Variants in RTN4IP1 observed in about 807,000 individuals in gnomAD.
RTN4IP1 encodes NAD(P)H oxidoreductase RTN4IP1, mitochondrial.
Under a neutral mutation model 46.6 loss-of-function variants are expected in RTN4IP1, and 32 were observed. The ratio of observed to expected loss-of-function variants is 0.69; its 90% CI spans 0.52 to 0.92. The LOEUF (loss-of-function observed/expected upper bound fraction) is 0.92, where lower values mean the gene tolerates loss of function less well. RTN4IP1 is among the 40% of genes least tolerant of loss of function. The probability of loss-of-function intolerance (pLI) is 0.00; values close to 1 mark genes in which losing one functional copy is unlikely to be tolerated. For missense variants in RTN4IP1, 424 were observed against 485.8 expected, an observed-to-expected ratio of 0.87 and a Z score of 1.20; for synonymous variants, 167 against 161.8, an observed-to-expected ratio of 1.03 and a Z score of -0.24.
chr6:106,608,392 T>G (rs1477749901), intron 4 of RTN4IP1, among the ~76,000 whole-genome samples: 3 of 152,128 alleles, frequency 2.0e-5, no homozygotes, highest in Admixed American at 2.0e-4. Context: ...TACAGCTAGA[T>G]AGGAAGAATA....
intron 2 of RTN4IP1, 50 bp from the exon 3 acceptor site, chr6:106,621,543 G>T: frequency 6.5e-7 from 1 of 1,535,096 alleles, no homozygotes; most frequent in East Asian, 2.2e-5. Context: ...GATATTTTTT[G>T]ACCGAAGCTA....
At chr6:106,607,441 T>C (rs985940477) in intron 4 of RTN4IP1, among the ~76,000 whole-genome samples, 3 of 151,900 alleles carry the variant, frequency 2.0e-5, no homozygotes, top group African/African-American at 7.3e-5. Flanking sequence ...AGACAACCTG[T>C]AGAATGGGAG....
chr6:106,588,368 C>T (rs1775537569), intron 6 of RTN4IP1, among the ~76,000 whole-genome samples: 1 of 152,152 alleles, frequency 6.6e-6, no homozygotes, highest in Non-Finnish European at 1.5e-5. Flanking sequence ...AGATTTTCAC[C>T]TACAAGAATG....
intron 8 of RTN4IP1, among the ~76,000 whole-genome samples, chr6:106,582,739 A>G (rs774410681): frequency 2.6e-5 from 4 of 152,178 alleles, no homozygotes; most frequent in South Asian, 2.1e-4. Context: ...TTCAATCCCC[A>G]GAATCCCTGA....
chr6:106,613,379 T>C (rs903999803), intron 4 of RTN4IP1, among the ~76,000 whole-genome samples: 1 of 152,142 alleles, frequency 6.6e-6, no homozygotes, highest in Non-Finnish European at 1.5e-5. Context: ...CACAGGGTCA[T>C]GTGAGTAGTG....
intron 4 of RTN4IP1, among the ~76,000 whole-genome samples, chr6:106,610,476 G>C (rs924695868): frequency 1.3e-5 from 2 of 152,180 alleles, no homozygotes; most frequent in Non-Finnish European, 2.9e-5. Flanking sequence ...AATGCAAAGG[G>C]AAGCAACTGC....
intron 7 of RTN4IP1, 71 bp downstream of exon 7, chr6:106,587,608 G>A: frequency 7.1e-7 from 1 of 1,412,848 alleles, no homozygotes; most frequent in Non-Finnish European, 9.8e-7. Context: ...AAGAGAAACT[G>A]GCTAGGTGGG....
chr6:106,571,778 G>GA lies in RTN4IP1; in HGVS notation c.*217dup. 2.1e-6 allele frequency: 1 copy of GA among 470,628 alleles called. No homozygotes were observed. Among genetic ancestry groups the GA allele is most frequent in the Non-Finnish European group, 3.8e-6 (1 of 262,682 alleles). The allele number at this position is 470,628 out of a possible 1,614,324, so 29.2% of individuals were successfully genotyped here. Reference sequence around the variant, plus strand: ...CAAAGCCAGTGTGAAGGAACAGCTTGAAAAAACTTCGAATTTCTACTGACT... The same window carrying GA: ...CAAAGCCAGTGTGAAGGAACAGCTTGAAAAAAACTTCGAATTTCTACTGACT... On this transcript the variant is annotated 3_prime_UTR_variant, in exon 9 of 9. Transcript: ENST00000369063.
chr6:106,583,372 C>T lies in RTN4IP1; in HGVS notation c.1039G>A (p.Gly347Ser), dbSNP rs1342256780. ...HYRWAFFMAS[G>S]PCLDDIAELV... ...TCTGCAATGTCATCTAAACATGGGC[C>T]ACTGGCCATGAAAAATGCCCAGCGA... is the stretch of plus-strand genomic sequence containing the variant. The change falls in exon 8 of 9, where the codon GGC becomes AGC. Residue 347 changes from glycine (G) to serine (S), a missense_variant. Coordinates refer to ENST00000369063, the MANE Select transcript of RTN4IP1 (RefSeq NM_032730.5). 1 of 1,613,722 alleles carries T rather than the reference C, an allele frequency of 6.2e-7. No individual in the cohort carries two copies. The highest frequency in any genetic ancestry group is 8.5e-7 in the Non-Finnish European group (1 of 1,179,776).
intron 4 of RTN4IP1, among the ~76,000 whole-genome samples, chr6:106,612,373 C>A (rs1776245703): frequency 9.4e-6 from 1 of 106,772 alleles, no homozygotes; most frequent in Non-Finnish European, 1.7e-5. Context: ...GGCGACAGAG[C>A]AAGACTCCGT....
At position 106,572,361 on chromosome 6, in the gene RTN4IP1, A is replaced by G; in HGVS notation, c.1084-258T>C. On this transcript the variant is annotated intron_variant, in intron 8 of 8. Transcript: ENST00000369063. ...CTCCATGCTGGTCTTTCACTCTCCT[A>G]CTTAGAACCGTTCAACAGCTCCCAC... 9.2e-6 allele frequency: 4 copies of G among 435,774 alleles called. No individual in the cohort carries two copies. The South Asian group carries it at 1.4e-4, about 15-fold the overall frequency. 27.0% of individuals were successfully genotyped at this position (435,774 alleles called of 1,614,324 possible).
chr6:106,578,037 T>C (rs1361109219), intron 8 of RTN4IP1, among the ~76,000 whole-genome samples: 1 of 152,200 alleles, frequency 6.6e-6, no homozygotes, highest in Non-Finnish European at 1.5e-5. Context: ...TAAGCAAATA[T>C]GTATAAATAT....
Position 106,622,789 on chromosome 6 carries a change from C to T in RTN4IP1, c.426+29G>A, listed in dbSNP as rs113891339. Reference sequence around the variant, plus strand: ...GATCAGGGTCTGTGGGTTGGATCCCCGCAGGAATAGTGGCATTCCCTAACT... The same window carrying T: ...GATCAGGGTCTGTGGGTTGGATCCCTGCAGGAATAGTGGCATTCCCTAACT... On this transcript the variant is annotated intron_variant, in intron 2 of 8. Coordinates refer to ENST00000369063, the MANE Select transcript of RTN4IP1 (RefSeq NM_032730.5). 346 of 1,596,488 alleles carry T rather than the reference C, an allele frequency of 2.2e-4. 3 individuals carry two copies. In the South Asian group the frequency reaches 3.1e-3, roughly 14 times the overall value.
At position 106,620,208 on chromosome 6, in the gene RTN4IP1, G is replaced by A. The variant is rs1012974436; in HGVS notation, c.496-882C>T. ...CAACCTCCGCCTCCCAGGTTTAAGC[G>A]ATTCTCCTGCCTCAGCCTCCCAAGT... On this transcript the variant is annotated intron_variant, in intron 3 of 8. Transcript: ENST00000369063. Among the ~76,000 whole-genome samples the A allele has an allele frequency of 5.9e-5, 9 of 151,608 alleles. No homozygotes were observed. The South Asian group carries it at 1.3e-3, about 21-fold the overall frequency.
At position 106,629,413 on chromosome 6, in the gene RTN4IP1, A is replaced by G. The variant is rs1776751576; in HGVS notation, c.-392T>C. 2 of 579,696 alleles carry G rather than the reference A, an allele frequency of 3.5e-6. No homozygotes were observed. Among genetic ancestry groups the G allele is most frequent in the Non-Finnish European group, 6.1e-6 (2 of 328,200 alleles). 35.9% of individuals were successfully genotyped at this position (579,696 alleles called of 1,614,324 possible). A position where few individuals can be genotyped will look rare whatever the true frequency, so the allele number is the denominator to read the frequency against. On this transcript the variant is annotated 5_prime_UTR_variant, in exon 1 of 9. Coordinates refer to ENST00000369063, the MANE Select transcript of RTN4IP1 (RefSeq NM_032730.5). Reference sequence around the variant, plus strand: ...CACCGCTCGCGATCCAACGCCAGAGAATCGAACGCTTGCCGACTGCCGCCG... The same window carrying G: ...CACCGCTCGCGATCCAACGCCAGAGGATCGAACGCTTGCCGACTGCCGCCG...
intron 5 of RTN4IP1, among the ~76,000 whole-genome samples, chr6:106,596,296 T>C (rs1314499951): frequency 1.3e-5 from 2 of 152,202 alleles, no homozygotes; most frequent in African/African-American, 2.4e-5. Context: ...GAGTTCATAT[T>C]GATACTTCCA....
chr6:106,629,313 G>A lies in RTN4IP1; in HGVS notation c.-292C>T, dbSNP rs901153554. The A allele has an allele frequency of 1.3e-4, 68 of 527,310 alleles. 1 individual carries two copies. In the Admixed American group the frequency reaches 2.1e-3, roughly 16 times the overall value. 32.7% of individuals were successfully genotyped at this position (527,310 alleles called of 1,614,324 possible). A position where few individuals can be genotyped will look rare whatever the true frequency, so the allele number is the denominator to read the frequency against. ...CCACTTTAAAAAAAAAAGGGGGGGC[G>A]GGGCATTAAAAAGCAGGTGCGCAAA... On this transcript the variant is annotated 5_prime_UTR_variant, in exon 1 of 9. Transcript: ENST00000369063.
At chr6:106,588,423 T>A (rs1775538580) in intron 6 of RTN4IP1, among the ~76,000 whole-genome samples, 2 of 152,196 alleles carry the variant, frequency 1.3e-5, no homozygotes, top group African/African-American at 4.8e-5. Context: ...CATGGAAGCA[T>A]CCTCTTCACC....
At chr6:106,621,254 G>A (rs940135970) in intron 3 of RTN4IP1, among the ~76,000 whole-genome samples, 171 bp downstream of exon 3, 12 of 152,146 alleles carry the variant, frequency 7.9e-5, no homozygotes, top group African/African-American at 2.4e-4. Flanking sequence ...CAGTGTTACT[G>A]AATGGCATCA....
Sources: gnomAD v4.1 joint callset for allele counts (sites outside exome capture counted in the v4.1 genomes callset) on GRCh38, gnomAD v4.1.1 for gene constraint, MANE v1.5 for transcripts, NCBI Gene and HGNC (gene_info 2026-07-23, HGNC 2026-07-21) for gene names.